The following NYAP2 variants were observed in gnomAD, a reference collection of about 807,000 sequenced individuals.
NYAP2 encodes the protein neuronal tyrosine-phosphorylated phosphoinositide-3-kinase adapter 2.
In NYAP2, 23 loss-of-function variants were observed where a neutral mutation model predicts 50.4. The observed-to-expected ratio is 0.46, with a 90% CI of 0.33 to 0.65. The LOEUF is 0.65. NYAP2 is among the 30% of genes least tolerant of loss of function. The probability of loss-of-function intolerance (pLI) is 0.02; values close to 1 mark genes in which losing one functional copy is unlikely to be tolerated. For missense variants in NYAP2, 885 were observed against 861.0 expected (o/e 1.03, Z -0.35); for synonymous variants, 394 against 365.2 (o/e 1.08, Z -0.90).
At chr2:225,508,547 AAAG>A (rs1690751696) in intron 3 of NYAP2, among the ~76,000 whole-genome samples, 1 of 152,162 alleles carries the variant, frequency 6.6e-6, no homozygotes, top group African/African-American at 2.4e-5. Context: ...TGTGAGAGAT[AAAG>A]AAGGAGGAAG....
intron 6 of NYAP2, among the ~76,000 whole-genome samples, chr2:225,638,395 G>A (rs973288139): frequency 2.8e-4 from 42 of 152,088 alleles, no homozygotes; most frequent in African/African-American, 9.9e-4. Flanking sequence ...GAGACTGGGT[G>A]AATGGTCTGT....
At chr2:225,496,949 T>C (rs1390520789) in intron 3 of NYAP2, among the ~76,000 whole-genome samples, 1 of 152,140 alleles carries the variant, frequency 6.6e-6, no homozygotes, top group Non-Finnish European at 1.5e-5. Context: ...ATTGTGAGCA[T>C]TAAAACCGTT....
intron 5 of NYAP2, among the ~76,000 whole-genome samples, chr2:225,620,121 A>C (rs1693064074): frequency 6.6e-6 from 1 of 152,226 alleles, no homozygotes; most frequent in African/African-American, 2.4e-5. Context: ...AGTTTATGTT[A>C]CTAAAATCAA....
At chr2:225,520,052 C>T (rs1691019235) in intron 4 of NYAP2, among the ~76,000 whole-genome samples, 1 of 152,226 alleles carries the variant, frequency 6.6e-6, no homozygotes, top group Non-Finnish European at 1.5e-5. Flanking sequence ...ATGTGTTTTT[C>T]AGTTACATAA....
intron 3 of NYAP2, among the ~76,000 whole-genome samples, chr2:225,454,795 A>T (rs1689710640): frequency 6.6e-6 from 1 of 152,170 alleles, no homozygotes; most frequent in Admixed American, 6.5e-5. Context: ...ATCTGTGGAA[A>T]AAGTGTCTTC....
chr2:225,530,506 C>A (rs530640985), intron 4 of NYAP2, among the ~76,000 whole-genome samples: 2 of 152,196 alleles, frequency 1.3e-5, no homozygotes, highest in African/African-American at 4.8e-5. Flanking sequence ...AAATCCCATG[C>A]TCCTTGGCTT....
rs564163929 is a variant in NYAP2 at position 225,611,028 on chromosome 2, G to T, written c.1619-15889G>T. Among the ~76,000 whole-genome samples the T allele has an allele frequency of 1.1e-4, 16 of 152,260 alleles. No homozygotes were observed. In the Middle Eastern group the frequency reaches 0.01, roughly 97 times the overall value. On this transcript the variant is annotated intron_variant, in intron 5 of 6. Transcript: ENST00000636099. ...GCTTATATCAAAAGCTTAATTTATG[G>T]ACTTCAAGGTTTCAGCAAGCTGGTT...
intron 3 of NYAP2, among the ~76,000 whole-genome samples, chr2:225,421,324 A>G (rs561856736): frequency 4.6e-5 from 7 of 152,330 alleles, no homozygotes; most frequent in African/African-American, 1.2e-4. Context: ...TTTTGAGATG[A>G]GTGACAAAAT....
intron 4 of NYAP2, among the ~76,000 whole-genome samples, chr2:225,562,461 A>G (rs114763611): frequency 2.8e-3 from 419 of 152,186 alleles, no homozygotes; most frequent in African/African-American, 9.8e-3. Flanking sequence ...TTTCTGGTCT[A>G]AGTACTGTGT....
the NYAP2 span, among the ~76,000 whole-genome samples, chr2:225,670,284 C>A: frequency 6.6e-6 from 1 of 151,990 alleles, no homozygotes; most frequent in Non-Finnish European, 1.5e-5. Context: ...GCTCGTGTGT[C>A]AAGTTATTTT....
At chr2:225,468,695 T>C (rs1302847325) in intron 3 of NYAP2, among the ~76,000 whole-genome samples, 2 of 152,144 alleles carry the variant, frequency 1.3e-5, no homozygotes, top group African/African-American at 4.8e-5. Flanking sequence ...CACAAAACCA[T>C]TGATTTAAAT....
intron 3 of NYAP2, among the ~76,000 whole-genome samples, chr2:225,414,750 G>A (rs578178709): frequency 5.3e-5 from 8 of 152,160 alleles, no homozygotes; most frequent in South Asian, 2.1e-4. Context: ...TGAGAAGGAC[G>A]GGCAATCCAA....
intron 3 of NYAP2, among the ~76,000 whole-genome samples, chr2:225,476,431 T>A (rs1189837385): frequency 1.9e-4 from 28 of 148,536 alleles, no homozygotes; most frequent in Admixed American, 1.5e-3. Flanking sequence ...AAAAAAAAAA[T>A]TTACTTAAAA....
intron 6 of NYAP2, among the ~76,000 whole-genome samples, chr2:225,628,037 G>C (rs544241113): frequency 2.2e-5 from 3 of 136,228 alleles, no homozygotes; most frequent in South Asian, 5.1e-4. Flanking sequence ...AATTGGAATA[G>C]GATGAATGGT....
At chr2:225,551,882 G>A (rs371178319) in intron 4 of NYAP2, among the ~76,000 whole-genome samples, 1 of 152,094 alleles carries the variant, frequency 6.6e-6, no homozygotes, top group Non-Finnish European at 1.5e-5. Context: ...GTGCCATCTC[G>A]GCTCACTGCA....
intron 5 of NYAP2, among the ~76,000 whole-genome samples, chr2:225,604,185 A>G (rs1692745453): frequency 6.6e-6 from 1 of 152,086 alleles, no homozygotes; most frequent in African/African-American, 2.4e-5. Context: ...ACAAGAGTTC[A>G]TTCAAGGGAG....
chr2:225,468,805 G>C (rs1042531152), intron 3 of NYAP2, among the ~76,000 whole-genome samples: 2 of 152,164 alleles, frequency 1.3e-5, no homozygotes, highest in Non-Finnish European at 2.9e-5. Context: ...AAGACAAAAA[G>C]AGGAGTTTCT....
chr2:225,673,600 A>G, the NYAP2 span, among the ~76,000 whole-genome samples: 2 of 152,152 alleles, frequency 1.3e-5, no homozygotes, highest in African/African-American at 4.8e-5. Context: ...TACACTTTTT[A>G]AATTTTTCTT....
intron 3 of NYAP2, among the ~76,000 whole-genome samples, chr2:225,508,244 CTCTT>C (rs982897777): frequency 1.3e-5 from 2 of 152,164 alleles, no homozygotes; most frequent in Admixed American, 6.5e-5. Context: ...TGCAACAAGA[CTCTT>C]TCTTTAGCCC....
Sources: allele counts gnomAD v4.1 joint callset (sites outside exome capture counted in the v4.1 genomes callset), GRCh38; gene constraint gnomAD v4.1.1; transcripts MANE v1.5; gene names NCBI Gene and HGNC (gene_info 2026-07-23, HGNC 2026-07-21).